The following PDE11A variants were observed in gnomAD, a reference collection of about 807,000 sequenced individuals.
The protein encoded by PDE11A is dual 3',5'-cyclic-AMP and -GMP phosphodiesterase 11A.
In PDE11A, 100 loss-of-function variants were observed where a neutral mutation model predicts 100.5. The ratio of observed to expected loss-of-function variants is 1.00; its 90% CI spans 0.85 to 1.18. PDE11A has a LOEUF of 1.18. Among genes scored for constraint, PDE11A ranks in the 50% most tolerant of loss-of-function variants. PDE11A has a pLI of 0.00. For synonymous variants in PDE11A, 381 were observed against 420.8 expected, an observed-to-expected ratio of 0.91 and a Z score of 1.16; for missense variants, 1,141 against 1,152.6, an observed-to-expected ratio of 0.99 and a Z score of 0.15.
intron 2 of PDE11A, among the ~76,000 whole-genome samples, chr2:178,079,574 A>C (rs2087257690): frequency 6.6e-6 from 1 of 152,006 alleles, no homozygotes; most frequent in South Asian, 2.1e-4. Context: ...TTTCTTTACT[A>C]TTGTGAATAG....
At chr2:177,794,692 CACCCCT>C (rs2082680032) in intron 9 of PDE11A, among the ~76,000 whole-genome samples, 1 of 152,122 alleles carries the variant, frequency 6.6e-6, no homozygotes, top group African/African-American at 2.4e-5. Flanking sequence ...GTATGATTCC[CACCCCT>C]ACCCCTACAC....
chr2:177,840,162 T>C, intron 6 of PDE11A, 89 bp downstream of exon 6: 1 of 1,331,654 alleles, frequency 7.5e-7, no homozygotes, highest in South Asian at 1.2e-5. Flanking sequence ...GCAAAAGAAT[T>C]GCTGGTAAGT....
At chr2:177,773,900 A>C (rs1388492621) in intron 9 of PDE11A, among the ~76,000 whole-genome samples, 6 of 152,228 alleles carry the variant, frequency 3.9e-5, no homozygotes, top group Non-Finnish European at 8.8e-5. Flanking sequence ...AAAACCAACA[A>C]GCCAGAGGAG....
intron 5 of PDE11A, among the ~76,000 whole-genome samples, chr2:177,872,926 A>C (rs75830023): frequency 0.019 from 2,860 of 152,368 alleles, 53 homozygotes; most frequent in South Asian, 0.046. Flanking sequence ...GTCTTCTGAG[A>C]TAAATGAACA....
chr2:177,993,812 C>A (rs934267540), intron 2 of PDE11A, among the ~76,000 whole-genome samples: 9 of 152,066 alleles, frequency 5.9e-5, no homozygotes, highest in African/African-American at 2.2e-4. Flanking sequence ...ACAAGACAGA[C>A]TGCAGTTACC....
chr2:177,680,691 T>C, intron 16 of PDE11A, 135 bp downstream of exon 16: 1 of 570,614 alleles, frequency 1.8e-6, no homozygotes, highest in Non-Finnish European at 3.1e-6. Context: ...ATTCAACTGA[T>C]CTCTGAATGT....
intron 5 of PDE11A, among the ~76,000 whole-genome samples, chr2:177,870,384 A>G (rs1419528578): frequency 3.3e-5 from 5 of 152,244 alleles, no homozygotes; most frequent in Non-Finnish European, 7.3e-5. Flanking sequence ...AGTCCAATCT[A>G]TGTAGTACCA....
chr2:178,088,159 T>G (rs1042173707), intron 2 of PDE11A, among the ~76,000 whole-genome samples: 2 of 152,206 alleles, frequency 1.3e-5, no homozygotes, highest in South Asian at 4.1e-4. Flanking sequence ...GAATGAGAAA[T>G]TCAAGCTGAG....
intron 2 of PDE11A, among the ~76,000 whole-genome samples, chr2:177,909,666 G>T (rs1191556270): frequency 1.3e-5 from 2 of 152,132 alleles, no homozygotes; most frequent in East Asian, 3.8e-4. Flanking sequence ...TTACCCACAT[G>T]TGTACCAGTT....
At chr2:178,105,934 G>A (rs1444147563) in intron 1 of PDE11A, among the ~76,000 whole-genome samples, 2 of 152,106 alleles carry the variant, frequency 1.3e-5, no homozygotes, top group African/African-American at 4.8e-5. Flanking sequence ...TGTGTTCTGT[G>A]AAGAATGAGT....
rs575779468 is a variant in PDE11A at position 177,861,541 on chromosome 2, G to A, written c.1367+14318C>T. ...CAATGCAATCCCTAAAATAAACTCA[G>A]CTACTAATTTTGGAGAGATTGACAA... On this transcript the variant is annotated intron_variant, in intron 5 of 19. Coordinates refer to ENST00000286063, the MANE Select transcript of PDE11A (RefSeq NM_016953.4). Among the ~76,000 whole-genome samples, 10 of 151,902 alleles carry A rather than the reference G, an allele frequency of 6.6e-5. No individual in the cohort carries two copies. In the South Asian group the frequency reaches 2.1e-3, roughly 32 times the overall value.
At chr2:177,967,868 A>C (rs1385920347) in intron 2 of PDE11A, among the ~76,000 whole-genome samples, 1 of 152,188 alleles carries the variant, frequency 6.6e-6, no homozygotes, top group African/African-American at 2.4e-5. Flanking sequence ...GCCATATTAG[A>C]TGTAAATTCC....
At chr2:178,082,430 C>G (rs1345521325) in intron 2 of PDE11A, among the ~76,000 whole-genome samples, 1 of 151,966 alleles carries the variant, frequency 6.6e-6, no homozygotes, top group Non-Finnish European at 1.5e-5. Flanking sequence ...CTAAAAAATG[C>G]CAGTTTATAA....
chr2:177,772,001 C>CAATAAATA (rs57220935), intron 9 of PDE11A, among the ~76,000 whole-genome samples: 6,696 of 149,300 alleles, frequency 0.045, 434 homozygotes, highest in African/African-American at 0.14. Flanking sequence ...GACTCTGTCT[C>CAATAAATA]AATAAATAAA....
chr2:177,837,021 A>G (rs2083413153), intron 6 of PDE11A, among the ~76,000 whole-genome samples: 1 of 152,190 alleles, frequency 6.6e-6, no homozygotes. Flanking sequence ...TCCAGATACA[A>G]GGGGAAGGGA....
intron 1 of PDE11A, among the ~76,000 whole-genome samples, chr2:178,031,907 T>C (rs2086552984): frequency 6.6e-6 from 1 of 152,132 alleles, no homozygotes; most frequent in South Asian, 2.1e-4. Flanking sequence ...GGGGAGAAGA[T>C]TCACCCTACT....
chr2:177,874,011 A>G (rs1423260604), intron 5 of PDE11A, among the ~76,000 whole-genome samples: 1 of 152,154 alleles, frequency 6.6e-6, no homozygotes, highest in African/African-American at 2.4e-5. Context: ...CTGAGAATTT[A>G]GTTTCTACTA....
chr2:178,058,721 A>T (rs1254894060), intron 1 of PDE11A, among the ~76,000 whole-genome samples: 1 of 152,214 alleles, frequency 6.6e-6, no homozygotes, highest in Non-Finnish European at 1.5e-5. Flanking sequence ...AGTGCTACAA[A>T]GCCAAGAAAA....
chr2:177,679,097 G>A lies in PDE11A; in HGVS notation c.2423+1729C>T, dbSNP rs189911683. On this transcript the variant is annotated intron_variant, in intron 16 of 19. Coordinates refer to ENST00000286063, the MANE Select transcript of PDE11A (RefSeq NM_016953.4). The stretch of plus-strand genomic sequence containing the variant: ...GGCTGTAGAGGGTTTTAAGAAAAGA[G>A]AGGCCAACACAATTAGGGGCTATAA... Among the ~76,000 whole-genome samples the A allele has an allele frequency of 1.5e-3, 223 of 151,976 alleles. 2 individuals are homozygous for A. Among genetic ancestry groups the A allele is most frequent in the Non-Finnish European group, 1.1e-3 (78 of 67,984 alleles).
Sources: gnomAD v4.1 joint callset for allele counts (sites outside exome capture counted in the v4.1 genomes callset) on GRCh38, gnomAD v4.1.1 for gene constraint, MANE v1.5 for transcripts, NCBI Gene and HGNC (gene_info 2026-07-23, HGNC 2026-07-21) for gene names.